The following GLRA3 variants were observed in gnomAD, a reference collection of about 807,000 sequenced individuals.
GLRA3 encodes glycine receptor subunit alpha-3.
In GLRA3, 44 loss-of-function variants were observed where a neutral mutation model predicts 60.4. The ratio of observed to expected loss-of-function variants is 0.73; its 90% CI spans 0.57 to 0.94. The LOEUF is 0.94. GLRA3 is among the 40% of genes least tolerant of loss of function. The pLI is 0.00. For missense variants in GLRA3, 508 were observed against 564.6 expected (o/e 0.90, Z 1.02); for synonymous variants, 223 against 192.9 (o/e 1.16, Z -1.29).
At chr4:174,772,342 G>A (rs1277090334) in intron 2 of GLRA3, among the ~76,000 whole-genome samples, 1 of 152,090 alleles carries the variant, frequency 6.6e-6, no homozygotes, top group Admixed American at 6.5e-5. Context: ...TAAATTTCAC[G>A]TGCAAGTAAA....
In GLRA3 at chr4:174,638,263, C is replaced by T. The variant is rs1011656254; in HGVS notation, c.*5523G>A. 3 of 152,064 alleles carry T rather than the reference C, an allele frequency of 2.0e-5. No individual in the cohort carries two copies. Among genetic ancestry groups the T allele is most frequent in the African/African-American group, 7.2e-5 (3 of 41,408 alleles). 9.4% of individuals were successfully genotyped at this position (152,064 alleles called of 1,614,324 possible). On this transcript the variant is annotated 3_prime_UTR_variant, in exon 10 of 10. Transcript: ENST00000274093. The stretch of plus-strand genomic sequence containing the variant: ...TTGGGAGGAAAGCTGAATTGAAACG[C>T]ATCAAAGATTTATTTTAAATTCTTT...
intron 2 of GLRA3, among the ~76,000 whole-genome samples, chr4:174,778,501 G>C (rs1335665098): frequency 2.0e-5 from 3 of 152,170 alleles, no homozygotes; most frequent in African/African-American, 4.8e-5. Context: ...AACAGCTCCT[G>C]TCTACAGCTC....
At chr4:174,765,663 T>G (rs563445367) in intron 3 of GLRA3, among the ~76,000 whole-genome samples, 1 of 152,094 alleles carries the variant, frequency 6.6e-6, no homozygotes, top group East Asian at 1.9e-4. Flanking sequence ...CTAGAATATA[T>G]CAAAGTCTAA....
At chr4:174,697,569 T>C (rs925732737) in intron 5 of GLRA3, among the ~76,000 whole-genome samples, 7 of 152,222 alleles carry the variant, frequency 4.6e-5, no homozygotes, top group African/African-American at 1.7e-4. Flanking sequence ...ATTTAAATTA[T>C]TGGTCTGGTA....
intron 5 of GLRA3, among the ~76,000 whole-genome samples, chr4:174,707,081 G>T (rs999710667): frequency 1.3e-5 from 2 of 152,096 alleles, no homozygotes; most frequent in African/African-American, 4.8e-5. Context: ...ATTCTTATAA[G>T]CAAGGATTTC....
intron 7 of GLRA3, among the ~76,000 whole-genome samples, chr4:174,675,630 CG>C (rs1734089743): frequency 6.6e-6 from 1 of 152,010 alleles, no homozygotes; most frequent in Admixed American, 6.6e-5. Context: ...TTTATCCTTA[CG>C]TAAATAAGCA....
intron 9 of GLRA3, among the ~76,000 whole-genome samples, chr4:174,649,142 C>T (rs1449373135): frequency 1.3e-5 from 2 of 152,098 alleles, no homozygotes; most frequent in African/African-American, 4.8e-5. Flanking sequence ...TATGGCTGTG[C>T]TATGGTTAAA....
intron 2 of GLRA3, among the ~76,000 whole-genome samples, chr4:174,783,474 C>T (rs1738982243): frequency 7.3e-6 from 1 of 136,548 alleles, no homozygotes; most frequent in Non-Finnish European, 1.6e-5. Flanking sequence ...CAAATGGGAC[C>T]TAATTAAACT....
intron 3 of GLRA3, among the ~76,000 whole-genome samples, chr4:174,735,054 A>G (rs974828139): frequency 2.6e-5 from 4 of 152,156 alleles, no homozygotes; most frequent in African/African-American, 9.7e-5. Flanking sequence ...AAGGTGCTGC[A>G]CAGCTGTGCT....
intron 3 of GLRA3, among the ~76,000 whole-genome samples, chr4:174,737,764 G>T (rs768320813): frequency 1.1e-4 from 17 of 152,098 alleles, no homozygotes; most frequent in African/African-American, 3.1e-4. Flanking sequence ...CGCACGCCTC[G>T]ATCTCCCAAA....
At chr4:174,745,847 T>G (rs1418437012) in intron 3 of GLRA3, among the ~76,000 whole-genome samples, 3 of 150,522 alleles carry the variant, frequency 2.0e-5, no homozygotes, top group Non-Finnish European at 4.4e-5. Context: ...AACATGAGTA[T>G]ACATTTCTCG....
Position 174,641,669 on chromosome 4 carries a change from A to T in GLRA3, c.*2117T>A, listed in dbSNP as rs1173506144. 6.6e-6 allele frequency: 1 copy of T among 152,044 alleles called. No individual in the cohort carries two copies. Among genetic ancestry groups the T allele is most frequent in the African/African-American group, 2.4e-5 (1 of 41,434 alleles). 9.4% of individuals were successfully genotyped at this position (152,044 alleles called of 1,614,324 possible). On this transcript the variant is annotated 3_prime_UTR_variant, in exon 10 of 10. Coordinates refer to ENST00000274093, the MANE Select transcript of GLRA3 (RefSeq NM_006529.4). ...CAAAGACACATTTATAATATTCTCA[A>T]ATATGGAAAGAAGTGATGTCTGTGA... is the stretch of plus-strand genomic sequence containing the variant.
At chr4:174,787,842 A>T (rs146175305) in intron 2 of GLRA3, among the ~76,000 whole-genome samples, 103 of 152,222 alleles carry the variant, frequency 6.8e-4, no homozygotes, top group Admixed American at 1.6e-3. Flanking sequence ...GAAGCCATTC[A>T]TAATTTTCCA....
intron 3 of GLRA3, among the ~76,000 whole-genome samples, chr4:174,754,040 C>T (rs1317088212): frequency 6.6e-6 from 1 of 152,036 alleles, no homozygotes; most frequent in African/African-American, 2.4e-5. Context: ...TGCCTTTTAA[C>T]ATTGTTTTAA....
chr4:174,819,439 A>G (rs1740644578), intron 1 of GLRA3, among the ~76,000 whole-genome samples: 1 of 152,296 alleles, frequency 6.6e-6, no homozygotes, highest in African/African-American at 2.4e-5. Flanking sequence ...TCTATTCCAC[A>G]TGGAAACTGT....
chr4:174,763,060 A>G (rs1467450614), intron 3 of GLRA3, among the ~76,000 whole-genome samples: 1 of 152,120 alleles, frequency 6.6e-6, no homozygotes. Context: ...AGAAATATCC[A>G]TGTTGTTGCT....
At chr4:174,674,369 G>C (rs748605204) in intron 7 of GLRA3, among the ~76,000 whole-genome samples, 8 of 152,126 alleles carry the variant, frequency 5.3e-5, no homozygotes, top group Non-Finnish European at 1.0e-4. Context: ...ATGGCCACCT[G>C]ATACAGACAC....
At chr4:174,686,235 A>G (rs1734548779) in intron 5 of GLRA3, among the ~76,000 whole-genome samples, 1 of 152,100 alleles carries the variant, frequency 6.6e-6, no homozygotes, top group Non-Finnish European at 1.5e-5. Context: ...GTCTTAATAA[A>G]CTCTCAAACA....
At chr4:174,718,292 A>G (rs1735999701) in intron 4 of GLRA3, among the ~76,000 whole-genome samples, 1 of 152,326 alleles carries the variant, frequency 6.6e-6, no homozygotes, top group South Asian at 2.1e-4. Context: ...AGAAAATTAA[A>G]TCAAGAGGCA....
Sources: allele counts gnomAD v4.1 joint callset (sites outside exome capture counted in the v4.1 genomes callset), GRCh38; gene constraint gnomAD v4.1.1; transcripts MANE v1.5; gene names NCBI Gene and HGNC (gene_info 2026-07-23, HGNC 2026-07-21).